The following DOCK10 variants were observed in gnomAD, a reference collection of about 807,000 sequenced individuals.
DOCK10 encodes dedicator of cytokinesis protein 10.
DOCK10 carries 145 observed loss-of-function variants against 280.1 expected under a neutral mutation model. The ratio of observed to expected loss-of-function variants is 0.52; its 90% confidence interval spans 0.45 to 0.59. The LOEUF (loss-of-function observed/expected upper bound fraction) is 0.59, where lower values mean the gene tolerates loss of function less well. Ranked by LOEUF, DOCK10 falls within the 20% of genes least tolerant of loss-of-function variation. The pLI, the probability that DOCK10 is intolerant of heterozygous loss-of-function variation, is 0.00. For missense variants in DOCK10, 2,368 were observed against 2,651.7 expected (o/e 0.89, Z 2.35); for synonymous variants, 915 against 942.2 (o/e 0.97, Z 0.53).
chr2:225,032,583 A>G (rs1282541027), intron 1 of DOCK10, among the ~76,000 whole-genome samples: 1 of 152,238 alleles, frequency 6.6e-6, no homozygotes, highest in Non-Finnish European at 1.5e-5. Flanking sequence ...ATAAAAAACA[A>G]AAAATAAATG....
Position 224,845,332 on chromosome 2 carries a change from A to G in DOCK10, c.2360-8T>C. On this transcript the variant is annotated splice_region_variant and splice_polypyrimidine_tract_variant and intron_variant, in intron 20 of 55. Transcript: ENST00000258390. ...GAAGCCAAGCATATCCAACTGTGCA[A>G]AAGAATAACCAACAAAAATTCTGAG... 1.9e-6 allele frequency: 3 copies of G among 1,587,118 alleles called. No homozygotes were observed. Among genetic ancestry groups the G allele is most frequent in the Non-Finnish European group, 2.6e-6 (3 of 1,165,860 alleles).
In DOCK10 at chr2:224,841,829, G is replaced by T. The variant is rs1695982870; in HGVS notation, c.2636C>A (p.Thr879Asn). Residue 879 changes from threonine to asparagine, a missense_variant, in exon 23 of 56, where the codon ACC becomes AAC. This residue lies in a region of DOCK10 where 1,209 missense variants were observed against 1,250.9 expected (regional missense o/e 0.97). Transcript: ENST00000258390. ...KREKDMSQSP[T>N]SNFIRSCKNL... ...CTTACAAGAGCGGATGAAATTTGAGGTAGGTGACTGAGACATATCTTTCTC... is the reference window on the plus strand; with the variant it reads ...CTTACAAGAGCGGATGAAATTTGAGTTAGGTGACTGAGACATATCTTTCTC... 6.2e-7 allele frequency: 1 copy of T among 1,612,738 alleles called. No individual in the cohort carries two copies. Among genetic ancestry groups the T allele is most frequent in the East Asian group, 2.2e-5 (1 of 44,862 alleles).
chr2:224,804,339 TA>T, intron 38 of DOCK10, 126 bp from the exon 39 acceptor site: 1 of 570,108 alleles, frequency 1.8e-6, no homozygotes, highest in African/African-American at 1.9e-5. Flanking sequence ...TAATCAAAAA[TA>T]AAACCCTGTT....
intron 40 of DOCK10, among the ~76,000 whole-genome samples, chr2:224,801,442 C>T (rs1693008036): frequency 6.6e-6 from 1 of 151,996 alleles, no homozygotes; most frequent in Admixed American, 6.6e-5. Flanking sequence ...TTTCCAGGCC[C>T]CTGAAGAATT....
intron 27 of DOCK10, among the ~76,000 whole-genome samples, chr2:224,827,699 C>G (rs1321363865): frequency 1.3e-5 from 2 of 152,134 alleles, no homozygotes; most frequent in Non-Finnish European, 2.9e-5. Flanking sequence ...AGATACGAAC[C>G]ATTTTTACCT....
At chr2:225,013,426 T>A (rs951381692) in intron 1 of DOCK10, among the ~76,000 whole-genome samples, 1 of 152,188 alleles carries the variant, frequency 6.6e-6, no homozygotes, top group Non-Finnish European at 1.5e-5. Context: ...AAGTACTATG[T>A]CTCAGAAATG....
At chr2:224,900,126 C>CT (rs1354048994) in intron 3 of DOCK10, among the ~76,000 whole-genome samples, 1 of 152,068 alleles carries the variant, frequency 6.6e-6, no homozygotes, top group Non-Finnish European at 1.5e-5. Flanking sequence ...TTGATGGTAC[C>CT]TATGTTTGAC....
At chr2:224,849,223 C>T (rs1559553727) in intron 19 of DOCK10, among the ~76,000 whole-genome samples, 1 of 152,242 alleles carries the variant, frequency 6.6e-6, no homozygotes, top group East Asian at 1.9e-4. Context: ...ATCCGCCTGC[C>T]TTGGCCTCCC....
intron 3 of DOCK10, among the ~76,000 whole-genome samples, chr2:224,906,993 T>A (rs1700687350): frequency 6.9e-6 from 1 of 145,162 alleles, no homozygotes; most frequent in African/African-American, 2.5e-5. Flanking sequence ...CACAATGTGA[T>A]CTGTAGTAAC....
intron 1 of DOCK10, among the ~76,000 whole-genome samples, chr2:225,035,304 A>T (rs1217461350): frequency 6.6e-6 from 1 of 151,940 alleles, no homozygotes; most frequent in Non-Finnish European, 1.5e-5. Context: ...CATGAACCAC[A>T]TTATAGCATA....
At chr2:224,876,371 A>G (rs1698629437) in intron 7 of DOCK10, 150 bp from the exon 8 acceptor site, 3 of 632,338 alleles carry the variant, frequency 4.7e-6, no homozygotes, top group South Asian at 2.1e-5. Context: ...AAAATTTTAG[A>G]TGGGTCTGAT....
chr2:225,016,428 T>C (rs552153496), intron 1 of DOCK10, among the ~76,000 whole-genome samples: 6 of 151,626 alleles, frequency 4.0e-5, no homozygotes, highest in South Asian at 4.2e-4. Flanking sequence ...AAGTATCTTA[T>C]TAAAAATCTG....
At chr2:225,016,188 G>A (rs762812757) in intron 1 of DOCK10, among the ~76,000 whole-genome samples, 5 of 152,122 alleles carry the variant, frequency 3.3e-5, no homozygotes, top group Non-Finnish European at 7.4e-5. Flanking sequence ...CTTTGTAAAT[G>A]TCTTACAATG....
intron 1 of DOCK10, among the ~76,000 whole-genome samples, chr2:225,032,189 G>A (rs71429137): frequency 0.018 from 2,789 of 152,150 alleles, 47 homozygotes; most frequent in Non-Finnish European, 0.026. Flanking sequence ...TGAAGGTCTT[G>A]GTGTCCAACT....
In DOCK10 at chr2:224,789,185, G is replaced by A; in HGVS notation, c.5312-15C>T. 1 of 1,555,736 alleles carries A rather than the reference G, an allele frequency of 6.4e-7. No homozygotes were observed. The highest frequency in any genetic ancestry group is 8.9e-7 in the Non-Finnish European group (1 of 1,129,062). On this transcript the variant is annotated splice_polypyrimidine_tract_variant and intron_variant, in intron 47 of 55. Transcript: ENST00000258390. ...AGAGAACATGCCTTGGGAGGACCAA[G>A]CAGAATAAAACATTATTATTTGAGA...
Position 224,793,388 on chromosome 2 carries a change from T to A in DOCK10, c.5212+12A>T. ...ATCTAGGCTTTTTGCCTCCCTCATGTGGTCATCTTACCCTTTCTTTTCAGA... is the reference window on the plus strand; with the variant it reads ...ATCTAGGCTTTTTGCCTCCCTCATGAGGTCATCTTACCCTTTCTTTTCAGA... On this transcript the variant is annotated intron_variant, in intron 46 of 55. Transcript: ENST00000258390. 4 of 1,610,648 alleles carry A rather than the reference T, an allele frequency of 2.5e-6. No individual in the cohort carries two copies. Among genetic ancestry groups the A allele is most frequent in the Non-Finnish European group, 3.4e-6 (4 of 1,177,884 alleles).
At chr2:225,023,869 A>C (rs1404743132) in intron 1 of DOCK10, among the ~76,000 whole-genome samples, 1 of 152,220 alleles carries the variant, frequency 6.6e-6, no homozygotes, top group Non-Finnish European at 1.5e-5. Flanking sequence ...GCAGCGGGGG[A>C]ATCTCAGAAG....
intron 1 of DOCK10, among the ~76,000 whole-genome samples, chr2:225,018,788 G>T (rs1689700150): frequency 7.2e-6 from 1 of 139,504 alleles, no homozygotes; most frequent in African/African-American, 2.9e-5. Flanking sequence ...CACCTAAGAT[G>T]TCATGTAAAT....
chr2:224,936,852 T>C (rs755737377), intron 1 of DOCK10, among the ~76,000 whole-genome samples: 11 of 152,146 alleles, frequency 7.2e-5, no homozygotes, highest in Admixed American at 3.3e-4. Context: ...CTATCATATG[T>C]TCATGGAAAC....
Sources: gnomAD v4.1 joint callset for allele counts (sites outside exome capture counted in the v4.1 genomes callset) on GRCh38, gnomAD v4.1.1 for gene constraint, gnomAD v4.1.1 regional missense constraint, MANE v1.5 for transcripts, NCBI Gene and HGNC (gene_info 2026-07-23, HGNC 2026-07-21) for gene names.